The following CTNNA3 variants were observed in gnomAD, a reference collection of about 807,000 sequenced individuals.
The protein encoded by CTNNA3 is catenin alpha-3.
Under a neutral mutation model 95.7 loss-of-function variants are expected in CTNNA3, and 76 were observed. That is an observed-to-expected ratio of 0.79 (90% CI 0.66 to 0.96). The LOEUF (loss-of-function observed/expected upper bound fraction) is 0.96. CTNNA3 is among the 40% of genes least tolerant of loss of function. The pLI is 0.00. For missense variants in CTNNA3, 1,191 were observed against 1,089.8 expected (o/e 1.09, Z -1.31); for synonymous variants, 431 against 374.4 (o/e 1.15, Z -1.74).
chr10:67,627,055 T>G (rs1838980897), intron 2 of CTNNA3, among the ~76,000 whole-genome samples: 1 of 152,226 alleles, frequency 6.6e-6, no homozygotes, highest in South Asian at 2.1e-4. Context: ...CTGTTGTTTC[T>G]ATGATATTCT....
At chr10:66,535,583 A>G (rs1415574001) in intron 10 of CTNNA3, among the ~76,000 whole-genome samples, 1 of 152,188 alleles carries the variant, frequency 6.6e-6, no homozygotes, top group Non-Finnish European at 1.5e-5. Context: ...ATTCTATGTA[A>G]TGGATTAGGA....
At chr10:66,328,912 ATATATATATATATAT>A (rs924934495) in intron 12 of CTNNA3, among the ~76,000 whole-genome samples, 260 of 17,218 alleles carry the variant, frequency 0.015, 1 homozygote, top group African/African-American at 0.03. Context: ...ACATATATAC[ATATATATATATATAT>A]ATATATACAC....
intron 11 of CTNNA3, among the ~76,000 whole-genome samples, chr10:66,500,625 A>T (rs2131963099): frequency 6.6e-6 from 1 of 152,266 alleles, no homozygotes; most frequent in Admixed American, 6.5e-5. Flanking sequence ...ATAAATCACT[A>T]TCAAGACAGT....
rs1241796684 is a variant in CTNNA3, at chr10:67,539,699, C to A, written c.293-30G>T. ...AAAATACAACCCCATATAAGTTATA[C>A]TTTAAGTTTCAACTATGCCTATTTC... On this transcript the variant is annotated intron_variant, in intron 3 of 17. Transcript: ENST00000433211. 4 of 1,597,104 alleles carry A rather than the reference C, an allele frequency of 2.5e-6. No homozygotes were observed. The South Asian group carries it at 4.4e-5, about 18-fold the overall frequency.
At chr10:66,747,831 A>G (rs977867451) in intron 9 of CTNNA3, among the ~76,000 whole-genome samples, 1 of 152,168 alleles carries the variant, frequency 6.6e-6, no homozygotes, top group African/African-American at 2.4e-5. Flanking sequence ...GGTGATCCCT[A>G]TGCTTTTCCT....
intron 1 of CTNNA3, among the ~76,000 whole-genome samples, chr10:67,702,434 C>T (rs1841046896): frequency 6.6e-6 from 1 of 152,220 alleles, no homozygotes; most frequent in Non-Finnish European, 1.5e-5. Context: ...GTCTCTCAGA[C>T]CACAGTGCAA....
intron 13 of CTNNA3, among the ~76,000 whole-genome samples, chr10:66,167,975 A>T (rs900012758): frequency 2.0e-5 from 3 of 152,168 alleles, no homozygotes; most frequent in African/African-American, 4.8e-5. Context: ...CATAGATGCA[A>T]TCATGGGTTT....
At chr10:66,637,122 C>A (rs780172762) in intron 9 of CTNNA3, among the ~76,000 whole-genome samples, 1 of 152,054 alleles carries the variant, frequency 6.6e-6, no homozygotes, top group Non-Finnish European at 1.5e-5. Context: ...TAATAAATCC[C>A]AGTAACAGAA....
chr10:66,892,305 C>G (rs943780614), intron 7 of CTNNA3, among the ~76,000 whole-genome samples: 25 of 152,072 alleles, frequency 1.6e-4, no homozygotes, highest in Non-Finnish European at 3.1e-4. Context: ...TATTTTGAAT[C>G]TGTTTCTTGT....
intron 11 of CTNNA3, among the ~76,000 whole-genome samples, chr10:66,484,741 T>C (rs112642715): frequency 0.062 from 9,417 of 152,006 alleles, 609 homozygotes; most frequent in African/African-American, 0.16. Flanking sequence ...AGGCTAGCAT[T>C]ACCCACATAA....
chr10:67,167,845 G>A (rs1214469625), intron 7 of CTNNA3, among the ~76,000 whole-genome samples: 1 of 152,118 alleles, frequency 6.6e-6, no homozygotes, highest in African/African-American at 2.4e-5. Context: ...AAATATAGAG[G>A]TTATCGGCCG....
chr10:67,442,658 A>G (rs1446372712), intron 5 of CTNNA3, among the ~76,000 whole-genome samples: 1 of 152,200 alleles, frequency 6.6e-6, no homozygotes, highest in Non-Finnish European at 1.5e-5. Flanking sequence ...TAAAGGGTCA[A>G]TTCAGCAAGA....
intron 17 of CTNNA3, among the ~76,000 whole-genome samples, chr10:65,946,053 G>C (rs908882782): frequency 2.6e-5 from 4 of 152,076 alleles, no homozygotes; most frequent in Non-Finnish European, 5.9e-5. Context: ...GAGGGAACTG[G>C]GTTTAAGATA....
chr10:67,012,658 C>T (rs1852410363), intron 7 of CTNNA3, among the ~76,000 whole-genome samples: 1 of 152,218 alleles, frequency 6.6e-6, no homozygotes, highest in African/African-American at 2.4e-5. Flanking sequence ...GAACCCTGTC[C>T]ATTGTGCCCT....
intron 5 of CTNNA3, among the ~76,000 whole-genome samples, chr10:67,353,088 T>C (rs146247686): frequency 2.0e-4 from 31 of 152,150 alleles, no homozygotes; most frequent in African/African-American, 7.5e-4. Context: ...AGATCCTGCT[T>C]CCGCCACTTA....
chr10:66,273,517 A>G lies in CTNNA3; in HGVS notation c.1884+6953T>C, dbSNP rs549806337. Among the ~76,000 whole-genome samples, 286 of 152,362 alleles carry G rather than the reference A, an allele frequency of 1.9e-3. 1 individual carries two copies. The highest frequency in any genetic ancestry group is 6.5e-3 in the African/African-American group (272 of 41,592). On this transcript the variant is annotated intron_variant, in intron 13 of 17. Coordinates refer to ENST00000433211, the MANE Select transcript of CTNNA3 (RefSeq NM_013266.4). ...TGTCTACTTCTCTATAACATGAAAC[A>G]ACAACAACAAAATGACATGACAGAA...
rs2077059134 is a variant in CTNNA3, at chr10:65,920,132, A to G, written c.*198T>C. 3.5e-6 allele frequency: 2 copies of G among 579,128 alleles called. No homozygotes were observed. The highest frequency in any genetic ancestry group is 2.2e-5 in the South Asian group (1 of 45,396). The allele number at this position is 579,128 out of a possible 1,614,324, so 35.9% of individuals were successfully genotyped here. On this transcript the variant is annotated 3_prime_UTR_variant, in exon 18 of 18. Coordinates refer to ENST00000433211, the MANE Select transcript of CTNNA3 (RefSeq NM_013266.4). ...AACAAGCAAATATTCCTTAACTATT[A>G]GGTGCTGACCATACAGAAATGACAG...
At chr10:67,248,202 G>C (rs537197339) in intron 5 of CTNNA3, among the ~76,000 whole-genome samples, 2 of 152,112 alleles carry the variant, frequency 1.3e-5, no homozygotes, top group South Asian at 4.2e-4. Flanking sequence ...CGTGCCTGTA[G>C]TCCTAACTAC....
chr10:67,539,805 C>T (rs972184109), intron 3 of CTNNA3, 136 bp from the exon 4 acceptor site: 1 of 749,814 alleles, frequency 1.3e-6, no homozygotes, highest in Admixed American at 3.0e-5. Flanking sequence ...ACAATTTTCT[C>T]TCTCAATAAA....
Sources: allele counts gnomAD v4.1 joint callset (sites outside exome capture counted in the v4.1 genomes callset), GRCh38; gene constraint gnomAD v4.1.1; transcripts MANE v1.5; gene names NCBI Gene and HGNC (gene_info 2026-07-23, HGNC 2026-07-21).